The following CEP126 variants were observed in gnomAD, a reference collection of about 807,000 sequenced individuals.
CEP126 encodes centrosomal protein 126.
In CEP126, 74 loss-of-function variants were observed where a neutral mutation model predicts 107.8. The observed-to-expected ratio is 0.69, with a 90% confidence interval of 0.57 to 0.83. The LOEUF (loss-of-function observed/expected upper bound fraction) is 0.83, where lower values mean the gene tolerates loss of function less well. Ranked by LOEUF, CEP126 falls within the 40% of genes least tolerant of loss-of-function variation. The pLI is 0.00. For missense variants in CEP126, 1,237 were observed against 1,281.9 expected (o/e 0.96, Z 0.53); for synonymous variants, 449 against 446.0 (o/e 1.01, Z -0.08).
chr11:101,951,041 A>G (rs1360358026), intron 4 of CEP126, among the ~76,000 whole-genome samples: 1 of 152,224 alleles, frequency 6.6e-6, no homozygotes. Flanking sequence ...TGCCTAAACC[A>G]GAACAGTACT....
Position 101,961,846 on chromosome 11 carries a change from G to A in CEP126, c.811G>A (p.Glu271Lys), listed in dbSNP as rs1940975387. 1 of 1,609,678 alleles carries A rather than the reference G, an allele frequency of 6.2e-7. No homozygotes were observed. The highest frequency in any genetic ancestry group is 1.7e-4 in the Middle Eastern group (1 of 6,048). The change falls in exon 6 of 11, where the codon GAG becomes AAG. Residue 271 changes from glutamate to lysine, a missense_variant. By Grantham distance (56) the Glu-to-Lys change is moderately conservative. Around this residue, in one of 3 missense-constraint regions of CEP126, gnomAD observed 1,134 missense variants for 1,150.5 expected, o/e 0.99. Coordinates refer to ENST00000263468, the MANE Select transcript of CEP126 (RefSeq NM_020802.4). ...AGAAATATATTTAACACTTAATAAG[G>A]AGCATTCCACATCCATCCAGCGGAA... Reference protein sequence around the residue: ...HEEIYLTLNKEHSTSIQRNTI... With the variant: ...HEEIYLTLNKKHSTSIQRNTI...
intron 9 of CEP126, among the ~76,000 whole-genome samples, chr11:101,988,027 A>G (rs149916726): frequency 1.6e-4 from 24 of 152,328 alleles, no homozygotes; most frequent in African/African-American, 5.8e-4. Flanking sequence ...AAAAATCAAA[A>G]GAATCCACAA....
chr11:101,933,948 T>C (rs896199395), intron 2 of CEP126, among the ~76,000 whole-genome samples: 1 of 152,058 alleles, frequency 6.6e-6, no homozygotes, highest in African/African-American at 2.4e-5. Flanking sequence ...AGGTCTCTGC[T>C]TACAGCTTCT....
chr11:101,935,134 A>C (rs1383456272), intron 2 of CEP126, among the ~76,000 whole-genome samples: 4 of 151,976 alleles, frequency 2.6e-5, no homozygotes, highest in Admixed American at 1.3e-4. Context: ...GCCATTCATA[A>C]GTTTTTTAAT....
chr11:101,926,377 G>A (rs1940411662), intron 2 of CEP126, among the ~76,000 whole-genome samples: 1 of 152,228 alleles, frequency 6.6e-6, no homozygotes. Context: ...AGTTGTATGT[G>A]GCTGATGCAT....
chr11:101,921,012 G>A (rs61414150), intron 1 of CEP126, among the ~76,000 whole-genome samples: 4,052 of 152,176 alleles, frequency 0.027, 71 homozygotes, highest in African/African-American at 0.047. Context: ...CAATTAAAAC[G>A]CAACTAAATA....
At chr11:101,939,473 T>C (rs1448673852) in intron 2 of CEP126, among the ~76,000 whole-genome samples, 1 of 152,240 alleles carries the variant, frequency 6.6e-6, no homozygotes, top group African/African-American at 2.4e-5. Context: ...TCCATTCTTT[T>C]GCCTTCAGCC....
intron 2 of CEP126, among the ~76,000 whole-genome samples, chr11:101,936,122 T>C (rs1487328036): frequency 6.6e-6 from 1 of 152,162 alleles, no homozygotes; most frequent in East Asian, 1.9e-4. Flanking sequence ...ATAACAATTC[T>C]AATTGCATTA....
intron 6 of CEP126, among the ~76,000 whole-genome samples, chr11:101,966,490 C>T (rs539170291): frequency 1.1e-4 from 17 of 152,274 alleles, no homozygotes; most frequent in African/African-American, 4.1e-4. Flanking sequence ...CTAGGAAAAA[C>T]TCTTCCAATT....
Position 101,997,620 on chromosome 11 carries a change from A to T in CEP126, c.3331A>T (p.Ser1111Cys), listed in dbSNP as rs1436462330. The T allele has an allele frequency of 1.2e-6, 2 of 1,613,740 alleles. No homozygotes were observed. Among genetic ancestry groups the T allele is most frequent in the Admixed American group, 1.7e-5 (1 of 60,006 alleles). The change falls in exon 11 of 11, where the codon AGC becomes TGC. Residue 1111 changes from serine to cysteine, a missense_variant. By Grantham distance (112) the Ser-to-Cys change is moderately radical (BLOSUM62 -1). Around this residue, in one of 3 missense-constraint regions of CEP126, gnomAD observed 99 missense variants for 114.4 expected, o/e 0.87. Transcript: ENST00000263468. ...PLLEKREDRT[S>C]SCRDKR ...CCAGGAGAAGAGAGAAGATAGAACCAGCAGCTGCAGAGACAAGAGATAATT... is the reference window on the plus strand; with the variant it reads ...CCAGGAGAAGAGAGAAGATAGAACCTGCAGCTGCAGAGACAAGAGATAATT...
At chr11:101,988,399 A>C (rs926819684) in intron 9 of CEP126, among the ~76,000 whole-genome samples, 1 of 152,194 alleles carries the variant, frequency 6.6e-6, no homozygotes, top group African/African-American at 2.4e-5. Context: ...AAAATATGAT[A>C]TAGAGCTTAA....
chr11:101,932,546 C>T (rs1313185028), intron 2 of CEP126, among the ~76,000 whole-genome samples: 1 of 152,088 alleles, frequency 6.6e-6, no homozygotes, highest in Non-Finnish European at 1.5e-5. Flanking sequence ...TTCATCATTG[C>T]CAAATATTGC....
intron 9 of CEP126, among the ~76,000 whole-genome samples, chr11:101,987,576 C>A (rs1403517457): frequency 4.0e-5 from 6 of 151,656 alleles, no homozygotes; most frequent in African/African-American, 1.5e-4. Context: ...CACAGAAGAT[C>A]TTTCCACCAT....
At chr11:101,986,172 G>C (rs1816786) in intron 8 of CEP126, among the ~76,000 whole-genome samples, 2 of 151,840 alleles carry the variant, frequency 1.3e-5, no homozygotes, top group African/African-American at 4.8e-5. Context: ...TAGTACAGAC[G>C]AGGTTTCACC....
chr11:101,915,542 C>A, intron 1 of CEP126, 130 bp downstream of exon 1: 1 of 1,192,478 alleles, frequency 8.4e-7, no homozygotes. Context: ...GCAGATATTT[C>A]CTTTAGCAAC....
chr11:101,932,652 T>A (rs528484388), intron 2 of CEP126, among the ~76,000 whole-genome samples: 1 of 152,254 alleles, frequency 6.6e-6, no homozygotes, highest in Admixed American at 6.5e-5. Flanking sequence ...TAGAGCACTT[T>A]TTTTCCCCAT....
intron 6 of CEP126, among the ~76,000 whole-genome samples, chr11:101,970,060 T>C: frequency 6.6e-6 from 1 of 152,142 alleles, no homozygotes; most frequent in Non-Finnish European, 1.5e-5. Flanking sequence ...AGGAGAAGAT[T>C]GATCAATTGT....
chr11:101,928,899 T>G (rs1413951257), intron 2 of CEP126, among the ~76,000 whole-genome samples: 1 of 152,216 alleles, frequency 6.6e-6, no homozygotes, highest in Non-Finnish European at 1.5e-5. Context: ...TAGAATAATA[T>G]TATCTAAACC....
chr11:101,963,366 T>C lies in CEP126; in HGVS notation c.2331T>C (p.Ala777=), dbSNP rs760922122. The C allele has an allele frequency of 1.2e-6, 2 of 1,614,130 alleles. No individual in the cohort carries two copies. Among genetic ancestry groups the C allele is most frequent in the South Asian group, 2.2e-5 (2 of 91,074 alleles). ...SGFICTNRKG[A]VIQPQSASKV... is the part of the protein sequence containing the mutation. ...TTATATGTACAAACAGAAAAGGCGC[T>C]GTCATTCAACCACAGTCTGCAAGCA... Residue 777 remains alanine, a synonymous_variant, in exon 6 of 11, where the codon GCT becomes GCC. Transcript: ENST00000263468.
Sources: gnomAD v4.1 joint callset for allele counts (sites outside exome capture counted in the v4.1 genomes callset) on GRCh38, gnomAD v4.1.1 for gene constraint, gnomAD v4.1.1 regional missense constraint, MANE v1.5 for transcripts, NCBI Gene and HGNC (gene_info 2026-07-23, HGNC 2026-07-21) for gene names.